The following EPHA4 variants were observed in gnomAD, a reference collection of about 807,000 sequenced individuals.
EPHA4 encodes EPH receptor A4.
A neutral mutation model predicts 108.3 loss-of-function variants in EPHA4; 19 were observed. The observed-to-expected ratio is 0.18, with a 90% CI of 0.12 to 0.26. EPHA4 has a LOEUF of 0.26. Among genes scored for constraint, EPHA4 ranks in the 10% least tolerant of loss-of-function variants. The pLI is 1.00. For missense variants in EPHA4, 917 were observed against 1,254.0 expected (o/e 0.73, Z 4.06); for synonymous variants, 449 against 455.5 (o/e 0.99, Z 0.18).
At chr2:221,439,440 G>T (rs1690346437) in intron 11 of EPHA4, among the ~76,000 whole-genome samples, 1 of 151,612 alleles carries the variant, frequency 6.6e-6, no homozygotes, top group Admixed American at 6.6e-5. Flanking sequence ...AGGTTACAGT[G>T]AGCCAAGATC....
intron 11 of EPHA4, among the ~76,000 whole-genome samples, chr2:221,442,071 C>A (rs1251338308): frequency 6.6e-6 from 1 of 152,198 alleles, no homozygotes; most frequent in Non-Finnish European, 1.5e-5. Context: ...TTCCAGGGGA[C>A]ACAGCCCCAG....
chr2:221,510,190 T>A (rs1692784896), intron 3 of EPHA4, among the ~76,000 whole-genome samples: 1 of 152,248 alleles, frequency 6.6e-6, no homozygotes, highest in Admixed American at 6.5e-5. Flanking sequence ...ATGGGATAAC[T>A]TCTTCATTAT....
chr2:221,455,489 A>G, intron 8 of EPHA4, 58 bp downstream of exon 8: 1 of 1,353,310 alleles, frequency 7.4e-7, no homozygotes, highest in Non-Finnish European at 1.1e-6. Context: ...AAGAGAAAAA[A>G]ACCATCATAA....
intron 3 of EPHA4, among the ~76,000 whole-genome samples, chr2:221,523,738 C>T (rs993972150): frequency 2.6e-5 from 4 of 151,034 alleles, no homozygotes; most frequent in Non-Finnish European, 5.9e-5. Flanking sequence ...AGATTACAGA[C>T]GTGTGCCACC....
intron 11 of EPHA4, among the ~76,000 whole-genome samples, chr2:221,440,293 G>A (rs747422876): frequency 1.3e-5 from 2 of 152,294 alleles, no homozygotes; most frequent in South Asian, 2.1e-4. Flanking sequence ...TTAGAGGCGC[G>A]GTGGGACTTT....
chr2:221,465,083 C>G (rs758829155), intron 5 of EPHA4, among the ~76,000 whole-genome samples: 1 of 151,896 alleles, frequency 6.6e-6, no homozygotes, highest in Non-Finnish European at 1.5e-5. Context: ...CAAGGTCAGA[C>G]CAGAGTCTAT....
intron 5 of EPHA4, among the ~76,000 whole-genome samples, chr2:221,472,126 A>C (rs1035538414): frequency 1.3e-5 from 2 of 152,126 alleles, no homozygotes; most frequent in African/African-American, 4.8e-5. Flanking sequence ...GATAAAAAGA[A>C]GTCTTTAATT....
chr2:221,557,552 G>A (rs1694341268), intron 3 of EPHA4, among the ~76,000 whole-genome samples: 1 of 152,196 alleles, frequency 6.6e-6, no homozygotes, highest in African/African-American at 2.4e-5. Context: ...AGCTAAGTTA[G>A]TGTCTACAAT....
Position 221,419,709 on chromosome 2 carries a change from A to T in EPHA4, c.*1663T>A, listed in dbSNP as rs184350670. 1.0e-3 allele frequency: 153 copies of T among 152,632 alleles called. 2 individuals are homozygous for T. Among genetic ancestry groups the T allele is most frequent in the African/African-American group, 3.6e-3 (150 of 41,570 alleles). The allele number at this position is 152,632 out of a possible 1,614,324, so 9.5% of individuals were successfully genotyped here. On this transcript the variant is annotated 3_prime_UTR_variant, in exon 18 of 18. Coordinates refer to ENST00000281821, the MANE Select transcript of EPHA4 (RefSeq NM_004438.5). ...AAATGCCTCTGTCCAAAGCTGTAGA[A>T]TTCTTATTAAGGTTAGTGTGACAGC...
At chr2:221,444,129 T>C (rs184679652) in intron 9 of EPHA4, among the ~76,000 whole-genome samples, 4 of 151,858 alleles carry the variant, frequency 2.6e-5, no homozygotes. Flanking sequence ...TAATATCAGC[T>C]AGTTGATTTG....
intron 5 of EPHA4, among the ~76,000 whole-genome samples, chr2:221,477,133 G>A (rs558029927): frequency 1.4e-4 from 21 of 151,950 alleles, no homozygotes; most frequent in African/African-American, 7.3e-5. Flanking sequence ...AACAAGCAGC[G>A]CCCGTTCATC....
rs540988033 is a variant in EPHA4 at position 221,564,583 on chromosome 2, T to G, written c.160-189A>C. On this transcript the variant is annotated intron_variant, in intron 2 of 17. Transcript: ENST00000281821. ...CAATATTTTATTGAGGAAGTTTTTT[T>G]TTTGTTTGTTTAATTGTTTCAATCT... Among the ~76,000 whole-genome samples the G allele has an allele frequency of 7.8e-4, 119 of 152,118 alleles. 1 individual carries two copies. The highest frequency in any genetic ancestry group is 1.3e-3 in the Non-Finnish European group (87 of 68,004).
intron 3 of EPHA4, among the ~76,000 whole-genome samples, chr2:221,501,861 T>G (rs1692498849): frequency 6.6e-6 from 1 of 152,160 alleles, no homozygotes; most frequent in Non-Finnish European, 1.5e-5. Context: ...ACAAAAACTA[T>G]CAACTGGAGA....
rs374717468 is a variant in EPHA4, at chr2:221,446,507, C to T, written c.1716-326G>A. ...ATCTTATTGAAGATAAGTTTATTGG[C>T]TATTTTTCCATTTATATAAATATAC... On this transcript the variant is annotated intron_variant, in intron 8 of 17. Transcript: ENST00000281821. Among the ~76,000 whole-genome samples, 17 of 151,980 alleles carry T rather than the reference C, an allele frequency of 1.1e-4. No individual in the cohort carries two copies. The East Asian group carries it at 2.9e-3, about 26-fold the overall frequency.
chr2:221,538,071 C>CT (rs1559284630), intron 3 of EPHA4, among the ~76,000 whole-genome samples: 1 of 151,874 alleles, frequency 6.6e-6, no homozygotes. Context: ...GCAAAACTGA[C>CT]AGAGTGCTGA....
rs372852662 is a variant in EPHA4, at chr2:221,561,103, G to A, written c.823+2628C>T. ...TAAAAATACAAAAAATTAGCCAGGC[G>A]TGGTGGCGGGCGCCTGTAGTCCCAG... On this transcript the variant is annotated intron_variant, in intron 3 of 17. Transcript: ENST00000281821. 2.1e-4 allele frequency among the ~76,000 whole-genome samples: 32 copies of A among 152,178 alleles called. No homozygotes were observed. The East Asian group carries it at 2.9e-3, about 14-fold the overall frequency.
chr2:221,539,949 A>C (rs1264864116), intron 3 of EPHA4, among the ~76,000 whole-genome samples: 1 of 151,892 alleles, frequency 6.6e-6, no homozygotes, highest in African/African-American at 2.4e-5. Context: ...ATGGAGTCTC[A>C]CTCTGTTGCC....
At chr2:221,563,663 A>G (rs934596640) in intron 3 of EPHA4, 68 bp downstream of exon 3, 16 of 1,540,722 alleles carry the variant, frequency 1.0e-5, no homozygotes, top group Non-Finnish European at 1.4e-5. Context: ...TACTCCATTT[A>G]GTCTCATCTC....
In EPHA4 at chr2:221,477,048, TA is replaced by T. The variant is rs1691675165; in HGVS notation, c.1318+5303del. Among the ~76,000 whole-genome samples the T allele has an allele frequency of 1.2e-4, 4 of 34,106 alleles. No homozygotes were observed. In the South Asian group the frequency reaches 1.7e-3, roughly 14 times the overall value. 22.4% of individuals were successfully genotyped at this position (34,106 alleles called of 152,430 possible). On this transcript the variant is annotated intron_variant, in intron 5 of 17. Coordinates refer to ENST00000281821, the MANE Select transcript of EPHA4 (RefSeq NM_004438.5). ...AATGAGGTGTAATGCCACTTTATTTTATTATTATTATTATTATTATTATTAT... is the reference window on the plus strand; with the variant it reads ...AATGAGGTGTAATGCCACTTTATTTTTTATTATTATTATTATTATTATTAT...
Sources: allele counts gnomAD v4.1 joint callset (sites outside exome capture counted in the v4.1 genomes callset), GRCh38; gene constraint gnomAD v4.1.1; transcripts MANE v1.5; gene names NCBI Gene and HGNC (gene_info 2026-07-23, HGNC 2026-07-21).